Variants in RBFOX1 observed in about 807,000 individuals in gnomAD.
RBFOX1 encodes the protein RNA binding protein fox-1 homolog 1.
Under a neutral mutation model 57.7 loss-of-function variants are expected in RBFOX1, and 8 were observed. The observed-to-expected ratio is 0.14, with a 90% CI of 0.08 to 0.25. The LOEUF is 0.25. Ranked by LOEUF, RBFOX1 falls within the 10% of genes least tolerant of loss-of-function variation. The pLI, the probability that RBFOX1 is intolerant of heterozygous loss-of-function variation, is 1.00. For synonymous variants in RBFOX1, 326 were observed against 222.4 expected (o/e 1.47, Z -4.15); for missense variants, 611 against 548.5 (o/e 1.11, Z -1.14).
At chr16:7,615,821 A>C (rs1484157863) in intron 10 of RBFOX1, among the ~76,000 whole-genome samples, 1 of 152,164 alleles carries the variant, frequency 6.6e-6, no homozygotes, top group Non-Finnish European at 1.5e-5. Flanking sequence ...ACATTCCTTG[A>C]CCACAAATCG....
chr16:6,318,498 G>C (rs1188045648), intron 2 of RBFOX1, among the ~76,000 whole-genome samples: 1 of 152,114 alleles, frequency 6.6e-6, no homozygotes, highest in Non-Finnish European at 1.5e-5. Context: ...GGCAGGGAGG[G>C]GAGGGATGGA....
At position 7,476,687 on chromosome 16, in the gene RBFOX1, C is replaced by T. The variant is rs1026845518; in HGVS notation, c.28-41460C>T. Among the ~76,000 whole-genome samples the T allele has an allele frequency of 9.9e-5, 15 of 152,048 alleles. No individual in the cohort carries two copies. The East Asian group carries it at 2.1e-3, about 22-fold the overall frequency. ...TCTATAAACTGTACAAAATTAAATC[C>T]CTCACTTCATTTCCCCAGAAAGACC... On this transcript the variant is annotated intron_variant, in intron 4 of 15. Coordinates refer to ENST00000550418, the MANE Select transcript of RBFOX1 (RefSeq NM_018723.4).
At chr16:5,846,553 G>C (rs1027750650) in intron 3 of RBFOX1, among the ~76,000 whole-genome samples, 9 of 152,182 alleles carry the variant, frequency 5.9e-5, no homozygotes, top group Non-Finnish European at 1.2e-4. Flanking sequence ...AGGCTCAGGT[G>C]GGTGACCAGG....
At chr16:6,119,401 A>G (rs866551288) in intron 1 of RBFOX1, among the ~76,000 whole-genome samples, 2 of 152,186 alleles carry the variant, frequency 1.3e-5, no homozygotes, top group African/African-American at 2.4e-5. Flanking sequence ...TCTTATTACT[A>G]GTGATATTAG....
chr16:7,142,967 C>G (rs1324136411), intron 4 of RBFOX1, among the ~76,000 whole-genome samples: 2 of 150,694 alleles, frequency 1.3e-5, no homozygotes, highest in Non-Finnish European at 2.9e-5. Context: ...TGGTTTCTGA[C>G]CCTTGAGATA....
intron 3 of RBFOX1, among the ~76,000 whole-genome samples, chr16:6,933,406 A>C (rs1266235835): frequency 2.0e-5 from 3 of 152,208 alleles, no homozygotes; most frequent in African/African-American, 7.2e-5. Flanking sequence ...ACTTATATTC[A>C]ATTTTCAGAA....
At chr16:6,978,309 A>G (rs1394572618) in intron 3 of RBFOX1, among the ~76,000 whole-genome samples, 1 of 152,224 alleles carries the variant, frequency 6.6e-6, no homozygotes, top group Non-Finnish European at 1.5e-5. Context: ...TATGCAAGAA[A>G]TTGGGATTCT....
rs1328724215 is a variant in RBFOX1, at chr16:6,500,885, T to TG, written c.-63-153718_-63-153717insG. Among the ~76,000 whole-genome samples the TG allele has an allele frequency of 9.3e-4, 84 of 90,534 alleles. 1 individual carries two copies. The highest frequency in any genetic ancestry group is 9.3e-3 in the Middle Eastern group (2 of 214). The allele number at this position is 90,534 out of a possible 152,430, so 59.4% of individuals were successfully genotyped here. ...CAGCCCTTGGGGAGTAGTTTTTTTT[T>TG]TTTTTTTTTTTTTTTTAATGCTGAG... is the stretch of plus-strand genomic sequence containing the variant. On this transcript the variant is annotated intron_variant, in intron 2 of 15. Transcript: ENST00000550418.
At chr16:7,357,670 T>C (rs73549005) in intron 4 of RBFOX1, among the ~76,000 whole-genome samples, 5,024 of 152,268 alleles carry the variant, frequency 0.033, 178 homozygotes, top group African/African-American at 0.089. Flanking sequence ...AGGACTTTTA[T>C]TCAGTCTCGG....
rs73517155 is a variant in RBFOX1, at chr16:5,888,114, T to A, written c.351+20779T>A. On this transcript the variant is annotated intron_variant, in intron 4 of 19. Coordinates refer to the RBFOX1 transcript ENST00000641259. ...TCACCACCTTCCTCTCAGACCACTT[T>A]CCACTTGCTCATTCCCCAGCTTTGT... Among the ~76,000 whole-genome samples the A allele has an allele frequency of 4.4e-3, 673 of 152,300 alleles. 13 individuals carry two copies. Among genetic ancestry groups the A allele is most frequent in the African/African-American group, 0.015 (642 of 41,576 alleles).
chr16:5,318,738 G>T (rs1490286510), intron 1 of RBFOX1, among the ~76,000 whole-genome samples: 1 of 152,158 alleles, frequency 6.6e-6, no homozygotes, highest in African/African-American at 2.4e-5. Context: ...CTTAGGTACT[G>T]CTCTAAAGGG....
intron 3 of RBFOX1, among the ~76,000 whole-genome samples, chr16:6,813,106 A>T (rs1021791783): frequency 6.7e-6 from 1 of 149,394 alleles, no homozygotes; most frequent in Non-Finnish European, 1.5e-5. Context: ...ACTCCCATTA[A>T]AAAAAAAAAG....
At chr16:7,605,608 T>C (rs538217564) in intron 9 of RBFOX1, among the ~76,000 whole-genome samples, 7 of 152,298 alleles carry the variant, frequency 4.6e-5, no homozygotes, top group Admixed American at 4.6e-4. Context: ...CTGTTTTCCT[T>C]AGTGGATGTT....
chr16:6,409,826 G>T (rs2093400627), intron 2 of RBFOX1, among the ~76,000 whole-genome samples: 2 of 152,176 alleles, frequency 1.3e-5, no homozygotes, highest in Non-Finnish European at 2.9e-5. Context: ...ACACTGCTCA[G>T]TTTCCGGAGA....
chr16:7,653,718 C>T (rs539937985), intron 11 of RBFOX1, 97 bp from the exon 12 acceptor site: 2 of 1,552,468 alleles, frequency 1.3e-6, no homozygotes, highest in Non-Finnish European at 8.7e-7. Context: ...TGCTGGGACC[C>T]TGTGCAGGGA....
intron 2 of RBFOX1, among the ~76,000 whole-genome samples, chr16:5,551,025 C>T (rs142226707): frequency 1.1e-3 from 164 of 152,302 alleles, no homozygotes; most frequent in Middle Eastern, 3.4e-3. Flanking sequence ...GCATATCAAA[C>T]GCTCAGGGAA....
intron 4 of RBFOX1, among the ~76,000 whole-genome samples, chr16:7,350,109 T>C (rs191307005): frequency 1.8e-4 from 27 of 152,284 alleles, no homozygotes; most frequent in African/African-American, 6.3e-4. Context: ...ATCAGGCCAC[T>C]GTACTCCAGC....
intron 3 of RBFOX1, among the ~76,000 whole-genome samples, chr16:6,832,766 G>A (rs1033985207): frequency 2.4e-4 from 37 of 152,160 alleles, no homozygotes; most frequent in African/African-American, 8.9e-4. Context: ...CTACCTGTTT[G>A]AGCTGCCAGG....
At chr16:5,747,825 G>C (rs976013890) in intron 3 of RBFOX1, among the ~76,000 whole-genome samples, 1 of 152,100 alleles carries the variant, frequency 6.6e-6, no homozygotes, top group Admixed American at 6.6e-5. Flanking sequence ...CAGAAAACCA[G>C]CTCCTGGATT....
Sources: allele counts gnomAD v4.1 joint callset (sites outside exome capture counted in the v4.1 genomes callset), GRCh38; gene constraint gnomAD v4.1.1; transcripts MANE v1.5; gene names NCBI Gene and HGNC (gene_info 2026-07-23, HGNC 2026-07-21).